Variants in AUTS2 observed in about 807,000 individuals in gnomAD.
AUTS2 encodes autism susceptibility gene 2 protein.
A neutral mutation model predicts 112.4 loss-of-function variants in AUTS2; 17 were observed. That is an observed-to-expected ratio of 0.15 (90% CI 0.10 to 0.23). The LOEUF is 0.23. AUTS2 is among the 10% of genes least tolerant of loss of function. The pLI is 1.00. For synonymous variants in AUTS2, 751 were observed against 702.7 expected (o/e 1.07, Z -1.09); for missense variants, 1,510 against 1,701.6 (o/e 0.89, Z 1.98).
chr7:70,318,094 G>T (rs1182170074), intron 4 of AUTS2, among the ~76,000 whole-genome samples: 3 of 152,102 alleles, frequency 2.0e-5, no homozygotes, highest in Non-Finnish European at 4.4e-5. Context: ...GGGATCCCAG[G>T]CTCCTTTATG....
chr7:70,338,365 G>T (rs912600802), intron 4 of AUTS2, among the ~76,000 whole-genome samples: 2 of 152,132 alleles, frequency 1.3e-5, no homozygotes, highest in African/African-American at 4.8e-5. Flanking sequence ...ACTATTAAAG[G>T]GTATCATGGT....
chr7:70,594,961 C>T (rs1305568208), intron 5 of AUTS2, among the ~76,000 whole-genome samples: 2 of 152,094 alleles, frequency 1.3e-5, no homozygotes, highest in Non-Finnish European at 2.9e-5. Flanking sequence ...ATTAGTCGGG[C>T]GTGGTGGCAC....
chr7:70,682,975 G>A (rs1191924830), intron 5 of AUTS2, among the ~76,000 whole-genome samples: 3 of 152,174 alleles, frequency 2.0e-5, no homozygotes, highest in Non-Finnish European at 4.4e-5. Flanking sequence ...AAGCTGCTGG[G>A]CCCAAACTCT....
chr7:69,732,234 T>G (rs1786829573), intron 1 of AUTS2, among the ~76,000 whole-genome samples: 1 of 152,162 alleles, frequency 6.6e-6, no homozygotes, highest in Admixed American at 6.5e-5. Flanking sequence ...TCTCCCTCCC[T>G]CCCCTTTGGT....
chr7:70,374,037 AG>A (rs1792971086), intron 4 of AUTS2, among the ~76,000 whole-genome samples: 1 of 152,138 alleles, frequency 6.6e-6, no homozygotes, highest in Non-Finnish European at 1.5e-5. Flanking sequence ...ATGCAGTGTT[AG>A]TTTATAATTT....
At position 70,765,019 on chromosome 7, in the gene AUTS2, G is replaced by A. The variant is rs1197602848; in HGVS notation, c.1468+14G>A. ...GCACTTACTCAGGTAGGACGGAGGGGCCTGTGCTCGTGACCCCGACCCCCA... is the reference window on the plus strand; with the variant it reads ...GCACTTACTCAGGTAGGACGGAGGGACCTGTGCTCGTGACCCCGACCCCCA... On this transcript the variant is annotated intron_variant, in intron 8 of 18. Coordinates refer to ENST00000342771, the MANE Select transcript of AUTS2 (RefSeq NM_015570.4). 25 of 1,613,284 alleles carry A rather than the reference G, an allele frequency of 1.5e-5. No homozygotes were observed. Among genetic ancestry groups the A allele is most frequent in the Non-Finnish European group, 1.9e-5 (23 of 1,179,850 alleles).
chr7:70,409,835 G>C (rs568117396), intron 4 of AUTS2, among the ~76,000 whole-genome samples: 1 of 152,274 alleles, frequency 6.6e-6, no homozygotes, highest in South Asian at 2.1e-4. Flanking sequence ...TTTCCTTTCG[G>C]TACACCTTTA....
At chr7:69,804,593 G>A (rs1007701858) in intron 1 of AUTS2, among the ~76,000 whole-genome samples, 1 of 152,144 alleles carries the variant, frequency 6.6e-6, no homozygotes, top group Non-Finnish European at 1.5e-5. Flanking sequence ...CCCAGACTTT[G>A]CTTTATCATT....
chr7:69,980,439 G>A (rs1250471048), intron 2 of AUTS2, among the ~76,000 whole-genome samples: 1 of 152,150 alleles, frequency 6.6e-6, no homozygotes, highest in Non-Finnish European at 1.5e-5. Context: ...GGATAGTTGT[G>A]TGGAGAAAGG....
At chr7:69,810,859 C>T (rs963498090) in intron 1 of AUTS2, among the ~76,000 whole-genome samples, 2 of 152,072 alleles carry the variant, frequency 1.3e-5, no homozygotes, top group African/African-American at 4.8e-5. Flanking sequence ...GACTAGAAAA[C>T]ATAACGTGAA....
chr7:69,599,627 G>A lies in AUTS2; in HGVS notation c.-27G>A. The A allele has an allele frequency of 7.8e-7, 1 of 1,274,412 alleles. No individual in the cohort carries two copies. Among genetic ancestry groups the A allele is most frequent in the South Asian group, 3.2e-5 (1 of 31,524 alleles). The allele number at this position is 1,274,412 out of a possible 1,614,324, so 78.9% of individuals were successfully genotyped here. On this transcript the variant is annotated 5_prime_UTR_variant, in exon 1 of 19. Coordinates refer to ENST00000342771, the MANE Select transcript of AUTS2 (RefSeq NM_015570.4). The surrounding 1 kb of genome is among the most constrained non-coding windows in gnomAD (Gnocchi z 7.0). ...TGCGGCCGTAGCCTGTGGCGGGCAA[G>A]CGGGGAGACCCCGGCGCAGCAGAAC...
intron 4 of AUTS2, among the ~76,000 whole-genome samples, chr7:70,136,250 T>C (rs1408351648): frequency 6.6e-6 from 1 of 152,206 alleles, no homozygotes; most frequent in Non-Finnish European, 1.5e-5. Context: ...TTGGTAAAAT[T>C]GCTGGTAGAC....
At chr7:70,488,998 G>A (rs1008376368) in intron 5 of AUTS2, among the ~76,000 whole-genome samples, 7 of 152,140 alleles carry the variant, frequency 4.6e-5, no homozygotes, top group African/African-American at 1.7e-4. Flanking sequence ...CTAATGGGAT[G>A]ATGACAGTCC....
chr7:69,645,448 A>G (rs1237029742), intron 1 of AUTS2, among the ~76,000 whole-genome samples: 3 of 152,176 alleles, frequency 2.0e-5, no homozygotes, highest in African/African-American at 4.8e-5. Flanking sequence ...TAGGAGGCTG[A>G]GGGCATTGTG....
At chr7:70,253,640 T>A (rs945082269) in intron 4 of AUTS2, among the ~76,000 whole-genome samples, 1 of 152,220 alleles carries the variant, frequency 6.6e-6, no homozygotes, top group African/African-American at 2.4e-5. Context: ...ACTACCTGTG[T>A]GAGACCATCT....
chr7:69,600,578 C>T (rs928305519), intron 1 of AUTS2, among the ~76,000 whole-genome samples: 2 of 96,110 alleles, frequency 2.1e-5, no homozygotes, highest in Non-Finnish European at 4.1e-5. Flanking sequence ...GGGAAGGGGG[C>T]GTTTTCTCCT....
chr7:69,714,952 A>G (rs183709412), intron 1 of AUTS2, among the ~76,000 whole-genome samples: 34 of 152,078 alleles, frequency 2.2e-4, no homozygotes, highest in East Asian at 1.4e-3. Context: ...ACTTTAATTC[A>G]AAAGGTACAG....
chr7:70,751,552 G>T (rs1396785103), intron 6 of AUTS2, among the ~76,000 whole-genome samples: 2 of 152,126 alleles, frequency 1.3e-5, no homozygotes, highest in Non-Finnish European at 2.9e-5. Context: ...GTGTGCTGTG[G>T]CTTTTAGGTC....
chr7:70,621,951 G>T lies in AUTS2; in HGVS notation c.691-76618G>T, dbSNP rs530711231. On this transcript the variant is annotated intron_variant, in intron 5 of 18. Coordinates refer to ENST00000342771, the MANE Select transcript of AUTS2 (RefSeq NM_015570.4). ...AACTTCCACCTCCTGGGTTTAAGCA[G>T]TTCTCCTGCCTCAGCCTCGCGAGTA... Among the ~76,000 whole-genome samples, 71 of 142,764 alleles carry T rather than the reference G, an allele frequency of 5.0e-4. 1 individual carries two copies. Among genetic ancestry groups the T allele is most frequent in the Middle Eastern group, 3.7e-3 (1 of 268 alleles). 93.7% of individuals were successfully genotyped at this position (142,764 alleles called of 152,430 possible).
Sources: gnomAD v4.1 joint callset for allele counts (sites outside exome capture counted in the v4.1 genomes callset) on GRCh38, gnomAD v4.1.1 for gene constraint, Gnocchi (gnomAD v3.1) non-coding constraint, MANE v1.5 for transcripts, NCBI Gene and HGNC (gene_info 2026-07-23, HGNC 2026-07-21) for gene names.